Variants in CSRNP2 observed in about 807,000 individuals in gnomAD.
The protein encoded by CSRNP2 is cysteine and serine rich nuclear protein 2, also known as cysteine/serine-rich nuclear protein 2.
In CSRNP2, 11 loss-of-function variants were observed where a neutral mutation model predicts 36.6. That is an observed-to-expected ratio of 0.30 (90% CI 0.19 to 0.50). CSRNP2 has a LOEUF of 0.50. Ranked by LOEUF, CSRNP2 falls within the 20% of genes least tolerant of loss-of-function variation. CSRNP2 has a pLI of 0.98. For missense variants in CSRNP2, 483 were observed against 691.4 expected (o/e 0.70, Z 3.38); for synonymous variants, 248 against 275.3 (o/e 0.90, Z 0.98).
chr12:51,079,742 A>T (rs1356876761), intron 1 of CSRNP2, among the ~76,000 whole-genome samples: 3 of 118,968 alleles, frequency 2.5e-5, no homozygotes, highest in Non-Finnish European at 5.0e-5. Flanking sequence ...ATTGCACTCT[A>T]GCCTGGGCAA....
In CSRNP2 at chr12:51,067,623, C is replaced by A; in HGVS notation, c.708+50G>T. On this transcript the variant is annotated intron_variant, in intron 4 of 4. Transcript: ENST00000228515. The surrounding 1 kb of genome is among the most constrained non-coding windows in gnomAD (Gnocchi z 4.1). ...CATGTTCAGTGGCACCCACACCTCA[C>A]CCCGCTGACCCTGGTGTAGATATAC... The A allele has an allele frequency of 6.4e-7, 1 of 1,565,674 alleles. No homozygotes were observed. Among genetic ancestry groups the A allele is most frequent in the Non-Finnish European group, 8.7e-7 (1 of 1,148,850 alleles).
rs71089741 is a variant in CSRNP2 at position 51,072,562 on chromosome 12, CAAAAAAAAAAAAAA to C, written c.411+1247_411+1260del. ...TGGGCAACAGAGCTAGGCTCCGTCT[CAAAAAAAAAAAAAA>C]AAAAAAAAAAAAAAAAGAGTGGCTA... On this transcript the variant is annotated intron_variant, in intron 3 of 4. Transcript: ENST00000228515. 1.6e-4 allele frequency among the ~76,000 whole-genome samples: 11 copies of C among 66,924 alleles called. No individual in the cohort carries two copies. The East Asian group carries it at 2.0e-3, about 12-fold the overall frequency. 43.9% of individuals were successfully genotyped at this position (66,924 alleles called of 152,430 possible).
rs1331983960 is a variant in CSRNP2 at position 51,064,052 on chromosome 12, A to G, written c.1326T>C (p.Ser442=). 1 of 1,614,116 alleles carries G rather than the reference A, an allele frequency of 6.2e-7. No homozygotes were observed. Among genetic ancestry groups the G allele is most frequent in the African/African-American group, 1.3e-5 (1 of 74,946 alleles). The change falls in exon 5 of 5, where the codon TCT becomes TCC. Residue 442 remains serine (S), a synonymous_variant. Transcript: ENST00000228515. The stretch of plus-strand genomic sequence containing the variant: ...CATTCAGATCCTTCTCCTTTGGGAA[A>G]GAGGCTGAGCCTTCTTCCGTACCAG... The part of the protein sequence containing the change: ...GEPGTEEGSA[S]FPKEKDLNVF...
chr12:51,074,034 C>T lies in CSRNP2; in HGVS notation c.200G>A (p.Arg67His), dbSNP rs1218903008. 7.4e-6 allele frequency: 12 copies of T among 1,614,098 alleles called. No individual in the cohort carries two copies. The highest frequency in any genetic ancestry group is 1.1e-5 in the South Asian group (1 of 91,082). Residue 67 changes from arginine (R) to histidine (H), a missense_variant, in exon 3 of 5, where the codon CGC becomes CAC. Arg to His is a conservative substitution (Grantham distance 29, BLOSUM62 0). Around this residue, in one of 2 missense-constraint regions of CSRNP2, gnomAD observed 206 missense variants for 367.8 expected, o/e 0.56. Transcript: ENST00000228515. ...GTAGTATACAGTCACCTGGTCAAAG[C>T]GTACATTCTTCCTCCGCAGCTGCTT... ...RQKQLRRKNVRFDQVTVYYFA... is the reference protein window; with the variant it reads ...RQKQLRRKNVHFDQVTVYYFA...
intron 3 of CSRNP2, among the ~76,000 whole-genome samples, chr12:51,070,904 G>C (rs886983832): frequency 1.3e-5 from 2 of 152,068 alleles, no homozygotes; most frequent in Non-Finnish European, 2.9e-5. Flanking sequence ...GAGAGACTAA[G>C]GTGGAAGAAT....
At chr12:51,082,679 G>C (rs998615092) in intron 1 of CSRNP2, 9 of 152,150 alleles carry the variant, frequency 5.9e-5, no homozygotes, top group African/African-American at 9.7e-5. Context: ...GGTGGCAGTT[G>C]GCTGCGTAAT....
rs551080990 is a variant in CSRNP2 at position 51,074,564 on chromosome 12, G to C, written c.152-482C>G. 3.9e-5 allele frequency among the ~76,000 whole-genome samples: 6 copies of C among 152,250 alleles called. No individual in the cohort carries two copies. In the East Asian group the frequency reaches 1.2e-3, roughly 29 times the overall value. Reference sequence around the variant, plus strand: ...TCAAATCCTAAATGCTCTGTCAGAAGGGACCTTGAACTTCAGCTGGTTCAT... The same window carrying C: ...TCAAATCCTAAATGCTCTGTCAGAACGGACCTTGAACTTCAGCTGGTTCAT... On this transcript the variant is annotated intron_variant, in intron 2 of 4. Transcript: ENST00000228515.
intron 1 of CSRNP2, among the ~76,000 whole-genome samples, chr12:51,079,425 G>A (rs925166474): frequency 2.6e-5 from 4 of 151,930 alleles, no homozygotes; most frequent in South Asian, 4.2e-4. Flanking sequence ...CGGGGAGGGG[G>A]AGCCCCTTGT....
At chr12:51,074,809 G>A (rs140045448) in intron 2 of CSRNP2, among the ~76,000 whole-genome samples, 11 of 152,226 alleles carry the variant, frequency 7.2e-5, no homozygotes, top group African/African-American at 2.6e-4. Flanking sequence ...GCTCATGCCT[G>A]TAATCCCAGC....
At chr12:51,065,507 TC>T (rs898161138) in intron 4 of CSRNP2, among the ~76,000 whole-genome samples, 20 of 152,212 alleles carry the variant, frequency 1.3e-4, no homozygotes, top group Non-Finnish European at 2.5e-4. Context: ...CATTTTTTTT[TC>T]CTTTGGAGAT....
intron 3 of CSRNP2, among the ~76,000 whole-genome samples, chr12:51,068,214 G>C (rs1170114689): frequency 6.6e-6 from 1 of 152,222 alleles, no homozygotes; most frequent in Non-Finnish European, 1.5e-5. Flanking sequence ...CGGGAGTGCA[G>C]TGGTGCAGTC....
intron 4 of CSRNP2, 55 bp from the exon 5 acceptor site, chr12:51,064,724 A>G: frequency 7.0e-7 from 1 of 1,420,004 alleles, no homozygotes. Context: ...CTAACAATGG[A>G]GACAGGAGAC....
intron 3 of CSRNP2, among the ~76,000 whole-genome samples, chr12:51,070,390 CTTTCTG>C (rs963416225): frequency 5.3e-5 from 8 of 152,158 alleles, no homozygotes; most frequent in African/African-American, 1.9e-4. Context: ...TACAAAGGGC[CTTTCTG>C]TTTATCTCAG....
rs1399332633 is a variant in CSRNP2, at chr12:51,067,652, C to T, written c.708+21G>A. On this transcript the variant is annotated intron_variant, in intron 4 of 4. Coordinates refer to ENST00000228515, the MANE Select transcript of CSRNP2 (RefSeq NM_030809.3). This position sits in a 1 kb window ranked among gnomAD's most constrained non-coding sequence, Gnocchi z 4.1. The stretch of plus-strand genomic sequence containing the variant: ...GCTGACCCTGGTGTAGATATACTAT[C>T]TCAGGCCAACTTGGACTGACCTGGC... 1 of 1,607,182 alleles carries T rather than the reference C, an allele frequency of 6.2e-7. No individual in the cohort carries two copies. Among genetic ancestry groups the T allele is most frequent in the South Asian group, 1.1e-5 (1 of 90,264 alleles).
At chr12:51,065,043 C>G (rs1156608404) in intron 4 of CSRNP2, among the ~76,000 whole-genome samples, 1 of 152,182 alleles carries the variant, frequency 6.6e-6, no homozygotes, top group East Asian at 1.9e-4. Flanking sequence ...TTACGAGCCT[C>G]AGAGACTTTT....
intron 4 of CSRNP2, among the ~76,000 whole-genome samples, chr12:51,066,138 G>A (rs761815136): frequency 2.0e-5 from 3 of 151,906 alleles, no homozygotes; most frequent in African/African-American, 4.8e-5. Context: ...CGGCCAACAT[G>A]ATGAAACCCT....
At chr12:51,069,613 A>G (rs1938858637) in intron 3 of CSRNP2, among the ~76,000 whole-genome samples, 2 of 150,742 alleles carry the variant, frequency 1.3e-5, no homozygotes, top group South Asian at 4.2e-4. Context: ...GACTTCAAAG[A>G]AAAGCTGTAT....
At chr12:51,064,698 G>C in intron 4 of CSRNP2, 29 bp from the exon 5 acceptor site, 1 of 1,494,038 alleles carries the variant, frequency 6.7e-7, no homozygotes, top group South Asian at 1.4e-5. Flanking sequence ...GTTGGGGCAA[G>C]ATGAGACCTA....
At position 51,061,873 on chromosome 12, in the gene CSRNP2, A is replaced by T. The variant is rs1370967553; in HGVS notation, c.*1873T>A. ...AAGATTCTTTTCTCCATAAAGCCAA[A>T]TTCCCAATTAAGCTTCAGTCCTGTG... On this transcript the variant is annotated 3_prime_UTR_variant, in exon 5 of 5. Coordinates refer to ENST00000228515, the MANE Select transcript of CSRNP2 (RefSeq NM_030809.3). The T allele has an allele frequency of 6.6e-6, 1 of 152,154 alleles. No homozygotes were observed. Among genetic ancestry groups the T allele is most frequent in the Non-Finnish European group, 1.5e-5 (1 of 68,038 alleles). The allele number at this position is 152,154 out of a possible 1,614,324, so 9.4% of individuals were successfully genotyped here. A position where few individuals can be genotyped will look rare whatever the true frequency, so the allele number is the denominator to read the frequency against.
Sources: gnomAD v4.1 joint callset for allele counts (sites outside exome capture counted in the v4.1 genomes callset) on GRCh38, gnomAD v4.1.1 for gene constraint, gnomAD v4.1.1 regional missense constraint, Gnocchi (gnomAD v3.1) non-coding constraint, MANE v1.5 for transcripts, NCBI Gene and HGNC (gene_info 2026-07-23, HGNC 2026-07-21) for gene names.